The following SPTAN1 variants were observed in gnomAD, a reference collection of about 807,000 sequenced individuals.
SPTAN1 encodes spectrin alpha chain, non-erythrocytic 1.
A neutral mutation model predicts 331.3 loss-of-function variants in SPTAN1; 61 were observed. The ratio of observed to expected loss-of-function variants is 0.18; its 90% CI spans 0.15 to 0.23. The LOEUF (loss-of-function observed/expected upper bound fraction) is 0.23. Ranked by LOEUF, SPTAN1 falls within the 10% of genes least tolerant of loss-of-function variation. SPTAN1 has a pLI of 1.00. For missense variants in SPTAN1, 2,043 were observed against 3,147.9 expected, an observed-to-expected ratio of 0.65 and a Z score of 8.40; for synonymous variants, 1,153 against 1,173.9, an observed-to-expected ratio of 0.98 and a Z score of 0.36.
intron 24 of SPTAN1, among the ~76,000 whole-genome samples, chr9:128,595,250 CA>C (rs1854115276): frequency 6.6e-6 from 1 of 152,106 alleles, no homozygotes; most frequent in Non-Finnish European, 1.5e-5. Context: ...GCTGGGATTA[CA>C]GGTACGCACG....
chr9:128,626,795 G>A (rs769496710), intron 49 of SPTAN1, 108 bp downstream of exon 49: 5 of 1,193,018 alleles, frequency 4.2e-6, no homozygotes, highest in East Asian at 2.5e-5. Context: ...CAGGATGGAG[G>A]AGCATGGTTT....
At chr9:128,632,079 C>T (rs1424909427) in intron 52 of SPTAN1, 48 bp from the exon 53 acceptor site, 7 of 1,597,332 alleles carry the variant, frequency 4.4e-6, no homozygotes, top group Non-Finnish European at 6.0e-6. Flanking sequence ...GGGCTGGTGA[C>T]TGAGCTGAGG....
intron 19 of SPTAN1, among the ~76,000 whole-genome samples, 161 bp downstream of exon 19, chr9:128,586,126 T>G (rs1334046647): frequency 7.2e-6 from 1 of 138,854 alleles, no homozygotes; most frequent in Non-Finnish European, 1.5e-5. Flanking sequence ...TTTTTTTTTT[T>G]TTTTTTTTTT....
rs535113572 is a variant in SPTAN1, at chr9:128,613,554, A to G, written c.5148+69A>G. The G allele has an allele frequency of 1.3e-4, 172 of 1,316,376 alleles. No homozygotes were observed. In the East Asian group the frequency reaches 3.8e-3, roughly 29 times the overall value. The allele number at this position is 1,316,376 out of a possible 1,614,324, so 81.5% of individuals were successfully genotyped here. On this transcript the variant is annotated intron_variant, in intron 40 of 56. Transcript: ENST00000372739. ...GCTCTGCCTGACTCCTAAGGAAAAC[A>G]AGCGTGTTTGAGAAAAGAGAGTGAC...
intron 27 of SPTAN1, among the ~76,000 whole-genome samples, 188 bp from the exon 28 acceptor site, chr9:128,603,355 C>G (rs1287086263): frequency 2.6e-5 from 4 of 152,130 alleles, no homozygotes; most frequent in African/African-American, 9.7e-5. Flanking sequence ...TCTAATTGTG[C>G]ACTTTGGGTA....
In SPTAN1 at chr9:128,582,545, C is replaced by A; in HGVS notation, c.1639C>A (p.Arg547Ser). ...CTATGCAATGGAAGATGTGGCCACT[C>A]GCCGAGATGCTGTAAGTTTGTAGGT... ...NHYAMEDVAT[R>S]RDALLSRRNA... Residue 547 changes from arginine to serine, a missense_variant, in exon 13 of 57, where the codon CGC becomes AGC. Arg to Ser is a moderately radical substitution (Grantham distance 110). This residue lies in a region of SPTAN1 where 1,038 missense variants were observed against 1,531.5 expected (regional missense o/e 0.68). Transcript: ENST00000372739. 3 of 1,613,876 alleles carry A rather than the reference C, an allele frequency of 1.9e-6. No homozygotes were observed. The highest frequency in any genetic ancestry group is 2.5e-6 in the Non-Finnish European group (3 of 1,180,030).
intron 16 of SPTAN1, 113 bp from the exon 17 acceptor site, chr9:128,584,169 G>A: frequency 6.4e-7 from 1 of 1,550,436 alleles, no homozygotes; most frequent in South Asian, 1.1e-5. Flanking sequence ...ATGAAGGAAG[G>A]AGATAGCAGA....
At chr9:128,578,086 A>T in intron 8 of SPTAN1, 24 bp from the exon 9 acceptor site, 2 of 1,614,008 alleles carry the variant, frequency 1.2e-6, no homozygotes, top group Non-Finnish European at 1.7e-6. Flanking sequence ...TGGAAACATA[A>T]TGTCTTCCTT....
intron 45 of SPTAN1, among the ~76,000 whole-genome samples, chr9:128,623,638 T>A (rs918303300): frequency 9.4e-5 from 14 of 148,760 alleles, no homozygotes; most frequent in Non-Finnish European, 1.8e-4. Flanking sequence ...TTTTTTTTTT[T>A]TTTTTTGTAT....
intron 45 of SPTAN1, among the ~76,000 whole-genome samples, chr9:128,622,339 G>T (rs1040967501): frequency 1.8e-5 from 2 of 109,582 alleles, no homozygotes; most frequent in South Asian, 3.2e-4. Flanking sequence ...CGCTCTTGTT[G>T]CCCAGGCTGG....
intron 3 of SPTAN1, 89 bp downstream of exon 3, chr9:128,568,986 A>G: frequency 6.4e-7 from 1 of 1,573,162 alleles, no homozygotes; most frequent in East Asian, 2.3e-5. Context: ...GTTCCCAAAA[A>G]GATAGACTTT....
chr9:128,608,245 A>G lies in SPTAN1; in HGVS notation c.4460A>G (p.His1487Arg), dbSNP rs1589311413. 1.2e-6 allele frequency: 2 copies of G among 1,614,220 alleles called. No homozygotes were observed. The highest frequency in any genetic ancestry group is 1.7e-6 in the Non-Finnish European group (2 of 1,180,038). ...LDSVEALIKK[H>R]EDFDKAINVQ... The stretch of plus-strand genomic sequence containing the variant: ...AGCGTAGAGGCTCTGATCAAAAAAC[A>G]TGAAGACTTTGACAAAGCGATTAAC... Residue 1487 changes from histidine to arginine, a missense_variant, in exon 34 of 57, where the codon CAT (histidine) becomes CGT (arginine). Physicochemically the swap from His to Arg is conservative, Grantham distance 29. Around this residue, in one of 12 missense-constraint regions of SPTAN1, gnomAD observed 4 missense variants for 30.9 expected, o/e 0.13. Coordinates refer to ENST00000372739, the MANE Select transcript of SPTAN1 (RefSeq NM_001130438.3).
intron 12 of SPTAN1, 54 bp downstream of exon 12, chr9:128,581,946 C>G: frequency 7.6e-7 from 1 of 1,310,462 alleles, no homozygotes; most frequent in Non-Finnish European, 1.1e-6. Flanking sequence ...AAGCCAGAGT[C>G]TTTTTCCCTG....
At chr9:128,570,330 A>ATATATATATATATTTTTT in intron 3 of SPTAN1, among the ~76,000 whole-genome samples, 1 of 71,874 alleles carries the variant, frequency 1.4e-5, no homozygotes, top group East Asian at 5.0e-4. Flanking sequence ...ATATATATAT[A>ATATATATATATATTTTTT]TTTTTTTTTT....
chr9:128,633,349 C>A lies in SPTAN1; in HGVS notation c.*15C>A. The A allele has an allele frequency of 6.2e-7, 1 of 1,613,682 alleles. No homozygotes were observed. ...TCGTGAACTGAGCCACTCCCTGGGT[C>A]ACCCACCCCTCGCTGCTTGCCCTGC... is the stretch of plus-strand genomic sequence containing the variant. On this transcript the variant is annotated 3_prime_UTR_variant, in exon 57 of 57. Transcript: ENST00000372739.
chr9:128,627,784 CG>C lies in SPTAN1; in HGVS notation c.6690-140del. On this transcript the variant is annotated intron_variant, in intron 50 of 56. Coordinates refer to ENST00000372739, the MANE Select transcript of SPTAN1 (RefSeq NM_001130438.3). This position sits in a 1 kb window ranked among gnomAD's most constrained non-coding sequence, Gnocchi z 4.9. ...GCCCCAGCCATGACTTGGTGACAGA[CG>C]ATGCAGGGTCTGTGCGTTGGGTACT... The C allele has an allele frequency of 9.0e-7, 1 of 1,107,374 alleles. No homozygotes were observed. The highest frequency in any genetic ancestry group is 1.4e-6 in the Non-Finnish European group (1 of 721,890). The allele number at this position is 1,107,374 out of a possible 1,614,324, so 68.6% of individuals were successfully genotyped here.
At chr9:128,598,313 T>C (rs1854594636) in intron 24 of SPTAN1, 87 bp from the exon 25 acceptor site, 1 of 985,486 alleles carries the variant, frequency 1.0e-6, no homozygotes, top group African/African-American at 1.6e-5. Flanking sequence ...AGAATCCTTA[T>C]AGTTTCAAGC....
At chr9:128,562,971 A>AT (rs1261695010) in intron 1 of SPTAN1, among the ~76,000 whole-genome samples, 19 of 119,534 alleles carry the variant, frequency 1.6e-4, no homozygotes, top group African/African-American at 7.6e-4. Context: ...TCTAAAAAAA[A>AT]ATATATATAT....
At chr9:128,574,263 T>G (rs895437720) in intron 3 of SPTAN1, among the ~76,000 whole-genome samples, 7 of 150,448 alleles carry the variant, frequency 4.7e-5, no homozygotes, top group Admixed American at 1.3e-4. Flanking sequence ...CTCTAATAAT[T>G]TAATAATAAT....
Sources: gnomAD v4.1 joint callset for allele counts (sites outside exome capture counted in the v4.1 genomes callset) on GRCh38, gnomAD v4.1.1 for gene constraint, gnomAD v4.1.1 regional missense constraint, Gnocchi (gnomAD v3.1) non-coding constraint, MANE v1.5 for transcripts, NCBI Gene and HGNC (gene_info 2026-07-23, HGNC 2026-07-21) for gene names.